Variants in TBC1D12 observed in about 807,000 individuals in gnomAD.
TBC1D12 encodes the protein TBC1 domain family, member 12.
Under a neutral mutation model 86.7 loss-of-function variants are expected in TBC1D12, and 56 were observed. The ratio of observed to expected loss-of-function variants is 0.65; its 90% CI spans 0.52 to 0.81. The LOEUF (loss-of-function observed/expected upper bound fraction) is 0.81. TBC1D12 is among the 30% of genes least tolerant of loss of function. The pLI is 0.00. For synonymous variants in TBC1D12, 421 were observed against 411.7 expected, an observed-to-expected ratio of 1.02 and a Z score of -0.27; for missense variants, 1,023 against 1,038.8, an observed-to-expected ratio of 0.98 and a Z score of 0.21.
chr10:94,435,945 G>A (rs901700030), intron 1 of TBC1D12, among the ~76,000 whole-genome samples: 1 of 152,154 alleles, frequency 6.6e-6, no homozygotes, highest in Non-Finnish European at 1.5e-5. Flanking sequence ...TTGATCTGCA[G>A]TGCCACCTGT....
chr10:94,474,661 A>G lies in TBC1D12; in HGVS notation c.1096-7A>G, dbSNP rs755313562. On this transcript the variant is annotated splice_region_variant and splice_polypyrimidine_tract_variant and intron_variant, in intron 2 of 12. Coordinates refer to ENST00000225235, the MANE Select transcript of TBC1D12 (RefSeq NM_015188.2). ...TTCTGCATAAGGTATGTTTTAATTT[A>G]CTCTAGGAATATGAAGCACGAACGG... 6.2e-7 allele frequency: 1 copy of G among 1,608,784 alleles called. No individual in the cohort carries two copies.
chr10:94,442,088 T>G (rs76179403), intron 2 of TBC1D12, 69 bp downstream of exon 2: 2 of 1,446,954 alleles, frequency 1.4e-6, no homozygotes, highest in South Asian at 2.8e-5. Flanking sequence ...TCTTCTTTTT[T>G]TTTTTTTTTT....
intron 3 of TBC1D12, among the ~76,000 whole-genome samples, chr10:94,484,218 AT>A (rs776929619): frequency 2.0e-5 from 3 of 147,140 alleles, no homozygotes; most frequent in Non-Finnish European, 3.0e-5. Flanking sequence ...AGATAATGTG[AT>A]TTATCCAGTT....
chr10:94,434,027 A>G (rs1396687904), intron 1 of TBC1D12, among the ~76,000 whole-genome samples: 2 of 152,152 alleles, frequency 1.3e-5, no homozygotes, highest in Non-Finnish European at 2.9e-5. Context: ...TGACCCAGTA[A>G]CTACCTCAGT....
intron 3 of TBC1D12, among the ~76,000 whole-genome samples, chr10:94,475,497 C>T (rs1459717938): frequency 1.3e-5 from 2 of 152,136 alleles, no homozygotes; most frequent in African/African-American, 2.4e-5. Flanking sequence ...ATGGTGCGAT[C>T]TCAGCTCACT....
chr10:94,408,454 A>G (rs1282791368), intron 1 of TBC1D12, among the ~76,000 whole-genome samples: 4 of 152,292 alleles, frequency 2.6e-5, no homozygotes, highest in East Asian at 3.9e-4. Flanking sequence ...TTCTTTTTAC[A>G]TCTAGATAGT....
intron 3 of TBC1D12, among the ~76,000 whole-genome samples, chr10:94,484,402 A>G (rs967100775): frequency 2.2e-4 from 34 of 151,532 alleles, no homozygotes; most frequent in African/African-American, 7.8e-4. Flanking sequence ...CACCACACCC[A>G]GCTAATTTTG....
intron 1 of TBC1D12, among the ~76,000 whole-genome samples, chr10:94,412,238 A>G (rs980897797): frequency 6.6e-6 from 1 of 152,222 alleles, no homozygotes; most frequent in Admixed American, 6.5e-5. Flanking sequence ...TGTTTTAACT[A>G]TGTGGCATAT....
intron 3 of TBC1D12, among the ~76,000 whole-genome samples, chr10:94,491,564 G>A (rs182307778): frequency 2.0e-5 from 3 of 152,166 alleles, no homozygotes; most frequent in Non-Finnish European, 4.4e-5. Flanking sequence ...CCTGTACTCA[G>A]CTGTGGTTTG....
chr10:94,446,895 A>G (rs991208954), intron 2 of TBC1D12, among the ~76,000 whole-genome samples: 2 of 151,950 alleles, frequency 1.3e-5, no homozygotes, highest in Non-Finnish European at 2.9e-5. Flanking sequence ...TAGCCTGGCC[A>G]ACCACATTTC....
chr10:94,415,699 A>C (rs758435168), intron 1 of TBC1D12, among the ~76,000 whole-genome samples: 2 of 152,010 alleles, frequency 1.3e-5, no homozygotes, highest in Non-Finnish European at 2.9e-5. Context: ...GCACCACTGC[A>C]CTCCAGCCTG....
intron 2 of TBC1D12, chr10:94,447,676 C>A (rs1222529865): frequency 4.1e-6 from 4 of 984,534 alleles, no homozygotes; most frequent in Non-Finnish European, 4.8e-6. Flanking sequence ...AGTTGGTGAG[C>A]CGTGTTAAAA....
intron 1 of TBC1D12, among the ~76,000 whole-genome samples, chr10:94,404,357 A>C (rs2054821370): frequency 6.6e-6 from 1 of 152,104 alleles, no homozygotes; most frequent in South Asian, 2.1e-4. Context: ...CTTGAAATTA[A>C]ATTATGGGCC....
intron 2 of TBC1D12, among the ~76,000 whole-genome samples, chr10:94,443,140 G>A (rs1285780948): frequency 6.6e-6 from 1 of 152,030 alleles, no homozygotes; most frequent in East Asian, 1.9e-4. Context: ...TACATGCACG[G>A]CACTAGAGGA....
rs79000695 is a variant in TBC1D12, at chr10:94,514,512, G to A, written c.1761+2858G>A. Reference sequence around the variant, plus strand: ...AGATTACACATTTAAGTGAGAACATGCAATATTTGCTTTTCTGTTTTTTGC... The same window carrying A: ...AGATTACACATTTAAGTGAGAACATACAATATTTGCTTTTCTGTTTTTTGC... On this transcript the variant is annotated intron_variant, in intron 9 of 12. Transcript: ENST00000225235. Among the ~76,000 whole-genome samples, 117 of 152,246 alleles carry A rather than the reference G, an allele frequency of 7.7e-4. 3 individuals are homozygous for A. In the East Asian group the frequency reaches 0.02, roughly 26 times the overall value.
chr10:94,504,311 G>A (rs1001812300), intron 6 of TBC1D12, among the ~76,000 whole-genome samples: 8 of 152,068 alleles, frequency 5.3e-5, no homozygotes, highest in South Asian at 2.1e-4. Flanking sequence ...TGGTGTTAAC[G>A]TTTTGTGATA....
At chr10:94,449,588 C>A (rs1177741039) in intron 2 of TBC1D12, among the ~76,000 whole-genome samples, 2 of 152,158 alleles carry the variant, frequency 1.3e-5, no homozygotes, top group Non-Finnish European at 2.9e-5. Flanking sequence ...GGGAGTTTTT[C>A]TGCTTCTGAA....
chr10:94,422,909 A>G (rs947359403), intron 1 of TBC1D12, among the ~76,000 whole-genome samples: 1 of 152,146 alleles, frequency 6.6e-6, no homozygotes, highest in Non-Finnish European at 1.5e-5. Context: ...TTGTTAGCAT[A>G]TAATAGGCAT....
chr10:94,453,516 TA>T (rs1421696111), intron 2 of TBC1D12, among the ~76,000 whole-genome samples: 1 of 152,182 alleles, frequency 6.6e-6, no homozygotes, highest in African/African-American at 2.4e-5. Context: ...TATAAATTTA[TA>T]AAGTTTATAA....
Sources: gnomAD v4.1 joint callset for allele counts (sites outside exome capture counted in the v4.1 genomes callset) on GRCh38, gnomAD v4.1.1 for gene constraint, MANE v1.5 for transcripts, NCBI Gene and HGNC (gene_info 2026-07-23, HGNC 2026-07-21) for gene names.